PXYLP1: variants seen among roughly 807,000 people sequenced by gnomAD.
The protein encoded by PXYLP1 is 2-phosphoxylose phosphatase 1, also known as acid phosphatase-like 2.
A neutral mutation model predicts 37.9 loss-of-function variants in PXYLP1; 17 were observed. That is an observed-to-expected ratio of 0.45 (90% CI 0.31 to 0.67). The LOEUF (loss-of-function observed/expected upper bound fraction) is 0.67. Among genes scored for constraint, PXYLP1 ranks in the 30% least tolerant of loss-of-function variants. PXYLP1 has a pLI of 0.07. For missense variants in PXYLP1, 511 were observed against 612.0 expected, an observed-to-expected ratio of 0.84 and a Z score of 1.74; for synonymous variants, 221 against 232.2, an observed-to-expected ratio of 0.95 and a Z score of 0.44.
intron 2 of PXYLP1, chr3:141,262,512 G>C: frequency 1.3e-6 from 1 of 787,830 alleles, no homozygotes; most frequent in Non-Finnish European, 1.8e-6. Context: ...GCATGAGCTG[G>C]TTTCCACGTC....
At chr3:141,275,664 C>G (rs1433710143) in intron 2 of PXYLP1, among the ~76,000 whole-genome samples, 1 of 152,164 alleles carries the variant, frequency 6.6e-6, no homozygotes. Context: ...ATCCTAGCAC[C>G]TTCCAACTAC....
chr3:141,292,914 A>T lies in PXYLP1; in HGVS notation c.1152A>T (p.Pro384=). ...LYSAHDVTLS[P]VLSALGLSEA... ...CTGCTCATGATGTCACTCTGTCACC[A>T]GTTCTCAGTGCCTTGGGCCTTTCAG... is the stretch of plus-strand genomic sequence containing the variant. The change falls in exon 6 of 6, where the codon CCA becomes CCT. Residue 384 remains proline, a synonymous_variant. Coordinates refer to ENST00000286353, the MANE Select transcript of PXYLP1 (RefSeq NM_001037172.3). This position sits in a 1 kb window ranked among gnomAD's most constrained non-coding sequence, Gnocchi z 4.3. 1 of 1,614,178 alleles carries T rather than the reference A, an allele frequency of 6.2e-7. No individual in the cohort carries two copies. The highest frequency in any genetic ancestry group is 8.5e-7 in the Non-Finnish European group (1 of 1,180,028).
chr3:141,240,587 C>T (rs1242829026), intron 1 of PXYLP1, among the ~76,000 whole-genome samples: 6 of 152,080 alleles, frequency 3.9e-5, no homozygotes, highest in African/African-American at 9.7e-5. Context: ...GTGGTCCAGC[C>T]ACATGCCCAG....
At chr3:141,262,911 A>G (rs1388870038) in intron 2 of PXYLP1, among the ~76,000 whole-genome samples, 1 of 152,086 alleles carries the variant, frequency 6.6e-6, no homozygotes. Context: ...TTTTTTCTTT[A>G]CCATTTCTTT....
intron 2 of PXYLP1, 129 bp downstream of exon 2, chr3:141,260,383 T>C: frequency 9.4e-7 from 1 of 1,068,426 alleles, no homozygotes. Flanking sequence ...TTGTTGGCAC[T>C]CACAGTGGCC....
intron 1 of PXYLP1, among the ~76,000 whole-genome samples, chr3:141,242,831 G>A (rs552059082): frequency 7.9e-5 from 12 of 152,334 alleles, no homozygotes; most frequent in Admixed American, 3.3e-4. Context: ...GAGGCAGGCA[G>A]CAATATTACA....
chr3:141,272,013 C>G (rs1354623221), intron 2 of PXYLP1, among the ~76,000 whole-genome samples: 1 of 152,184 alleles, frequency 6.6e-6, no homozygotes, highest in African/African-American at 2.4e-5. Context: ...AGTTTCAAGG[C>G]ACCTGCAAGG....
intron 1 of PXYLP1, among the ~76,000 whole-genome samples, chr3:141,238,047 ATT>A (rs1236164038): frequency 6.6e-6 from 1 of 152,134 alleles, no homozygotes; most frequent in Non-Finnish European, 1.5e-5. Flanking sequence ...CCTGGCTACT[ATT>A]TTGGACTGGA....
At chr3:141,269,167 C>A (rs12639560) in intron 2 of PXYLP1, among the ~76,000 whole-genome samples, 1 of 152,198 alleles carries the variant, frequency 6.6e-6, no homozygotes, top group Admixed American at 6.5e-5. Flanking sequence ...ACCCACCCAC[C>A]CTCAAGGACA....
At chr3:141,237,790 G>A (rs1018878022) in intron 1 of PXYLP1, among the ~76,000 whole-genome samples, 3 of 152,136 alleles carry the variant, frequency 2.0e-5, no homozygotes, top group Non-Finnish European at 4.4e-5. Flanking sequence ...GGTGCAGATC[G>A]ATTTCCAGGC....
At chr3:141,252,558 C>G (rs1325656646) in intron 1 of PXYLP1, among the ~76,000 whole-genome samples, 1 of 152,174 alleles carries the variant, frequency 6.6e-6, no homozygotes, top group Non-Finnish European at 1.5e-5. Flanking sequence ...AGCTCACTCA[C>G]CAGCAAGAGG....
At chr3:141,250,462 C>T (rs1941115939) in intron 1 of PXYLP1, among the ~76,000 whole-genome samples, 1 of 152,224 alleles carries the variant, frequency 6.6e-6, no homozygotes, top group Admixed American at 6.5e-5. Flanking sequence ...TCTATCCCTG[C>T]GTGGGCGTCT....
chr3:141,287,420 C>T lies in PXYLP1; in HGVS notation c.472C>T (p.Pro158Ser). ...CTCCTTGCCTCTTTACCCAAATCAC[C>T]CATTGTGTGAGATGGGAGAGCTCAC... is the stretch of plus-strand genomic sequence containing the variant. ...LNSLPLYPNH[P>S]LCEMGELTQT... Residue 158 changes from proline to serine, a missense_variant, in exon 5 of 6, where the codon CCA (proline) becomes TCA (serine). Pro to Ser is a moderately conservative substitution (Grantham distance 74). Transcript: ENST00000286353. The T allele has an allele frequency of 6.2e-7, 1 of 1,614,106 alleles. No homozygotes were observed. The highest frequency in any genetic ancestry group is 8.5e-7 in the Non-Finnish European group (1 of 1,180,018).
intron 2 of PXYLP1, among the ~76,000 whole-genome samples, chr3:141,261,510 C>A (rs1239587769): frequency 6.6e-6 from 1 of 152,162 alleles, no homozygotes; most frequent in Non-Finnish European, 1.5e-5. Flanking sequence ...CAATTAAACT[C>A]CATTTCTACA....
At chr3:141,286,004 G>A (rs1942067594) in intron 4 of PXYLP1, among the ~76,000 whole-genome samples, 1 of 151,842 alleles carries the variant, frequency 6.6e-6, no homozygotes, top group Non-Finnish European at 1.5e-5. Flanking sequence ...ACCCATTTTG[G>A]CAGCCATTTT....
intron 4 of PXYLP1, among the ~76,000 whole-genome samples, chr3:141,280,057 A>C (rs73869560): frequency 0.027 from 4,086 of 152,328 alleles, 175 homozygotes; most frequent in African/African-American, 0.093. Flanking sequence ...AGCCCTTAGG[A>C]TGAAAAATAA....
chr3:141,259,501 G>A (rs1037375732), intron 1 of PXYLP1, among the ~76,000 whole-genome samples: 2 of 151,814 alleles, frequency 1.3e-5, no homozygotes, highest in Admixed American at 6.6e-5. Flanking sequence ...TAGGCAGGAC[G>A]AGGCTTCCAG....
intron 2 of PXYLP1, among the ~76,000 whole-genome samples, chr3:141,264,048 T>C (rs1347587156): frequency 6.6e-6 from 1 of 152,188 alleles, no homozygotes; most frequent in Non-Finnish European, 1.5e-5. Flanking sequence ...TTGGCCATGA[T>C]GGGGTTAATT....
chr3:141,281,701 G>A (rs1941960238), intron 4 of PXYLP1, among the ~76,000 whole-genome samples: 2 of 152,224 alleles, frequency 1.3e-5, no homozygotes, highest in African/African-American at 4.8e-5. Flanking sequence ...CACAGAGAAA[G>A]GGACCAGAAA....
Sources: allele counts gnomAD v4.1 joint callset (sites outside exome capture counted in the v4.1 genomes callset), GRCh38; gene constraint gnomAD v4.1.1; non-coding constraint Gnocchi (gnomAD v3.1); transcripts MANE v1.5; gene names NCBI Gene and HGNC (gene_info 2026-07-23, HGNC 2026-07-21).